The following SLC12A1 variants were observed in gnomAD, a reference collection of about 807,000 sequenced individuals.
SLC12A1 encodes the protein Na-K-2Cl cotransporter.
In SLC12A1, 89 loss-of-function variants were observed where a neutral mutation model predicts 130.4. The observed-to-expected ratio is 0.68, with a 90% CI of 0.58 to 0.81. The LOEUF is 0.81. Ranked by LOEUF, SLC12A1 falls within the 40% of genes least tolerant of loss-of-function variation. SLC12A1 has a pLI of 0.00. For missense variants in SLC12A1, 1,310 were observed against 1,336.4 expected, an observed-to-expected ratio of 0.98 and a Z score of 0.31; for synonymous variants, 499 against 460.0, an observed-to-expected ratio of 1.08 and a Z score of -1.09.
chr15:48,247,291 T>C, intron 12 of SLC12A1, 46 bp from the exon 13 acceptor site: 2 of 1,572,438 alleles, frequency 1.3e-6, no homozygotes, highest in South Asian at 2.4e-5. Flanking sequence ...AGAAAATGAC[T>C]GTGCATAGCT....
At chr15:48,301,869 T>C (rs1358686918) in intron 26 of SLC12A1, among the ~76,000 whole-genome samples, 1 of 152,200 alleles carries the variant, frequency 6.6e-6, no homozygotes, top group Non-Finnish European at 1.5e-5. Flanking sequence ...TTACAAATGT[T>C]AGGGTTGCGT....
At chr15:48,222,222 C>A (rs1473216380) in intron 4 of SLC12A1, 1 of 152,114 alleles carries the variant, frequency 6.6e-6, no homozygotes. Context: ...GTTTTAGTAA[C>A]TTATTGAGAT....
chr15:48,248,506 C>T (rs1477474121), intron 13 of SLC12A1, among the ~76,000 whole-genome samples: 1 of 152,206 alleles, frequency 6.6e-6, no homozygotes, highest in Non-Finnish European at 1.5e-5. Flanking sequence ...TGCATTGGCT[C>T]CACCCATAAG....
intron 17 of SLC12A1, among the ~76,000 whole-genome samples, chr15:48,266,204 G>A (rs2041830151): frequency 6.6e-6 from 1 of 152,190 alleles, no homozygotes. Flanking sequence ...CAGCCAGTCA[G>A]TGCCAGATCT....
At chr15:48,241,650 T>A (rs978038211) in intron 10 of SLC12A1, 51 bp downstream of exon 10, 4 of 1,302,444 alleles carry the variant, frequency 3.1e-6, no homozygotes, top group Middle Eastern at 1.8e-4. Flanking sequence ...AGGGGTCCAG[T>A]TGTTCACGTC....
chr15:48,243,586 C>T (rs530829375), intron 10 of SLC12A1, among the ~76,000 whole-genome samples: 48 of 151,816 alleles, frequency 3.2e-4, no homozygotes, highest in Admixed American at 6.5e-4. Flanking sequence ...ACGCAGGAGG[C>T]GGAGGTTGCA....
chr15:48,226,665 C>T, intron 5 of SLC12A1, 94 bp downstream of exon 5: 1 of 775,608 alleles, frequency 1.3e-6, no homozygotes, highest in Non-Finnish European at 2.2e-6. Context: ...AGGAAGTAGC[C>T]CGATGTTCTT....
chr15:48,226,094 T>C (rs2041282308), intron 4 of SLC12A1: 1 of 184,096 alleles, frequency 5.4e-6, no homozygotes, highest in African/African-American at 2.4e-5. Context: ...GCAAGAAAAA[T>C]GGGGAAGGAT....
intron 26 of SLC12A1, 91 bp downstream of exon 26, chr15:48,301,473 G>A: frequency 1.4e-6 from 1 of 718,674 alleles, no homozygotes; most frequent in Non-Finnish European, 2.0e-6. Flanking sequence ...TCTTCAGGTG[G>A]GAATTTTGTT....
At chr15:48,232,933 C>G in intron 8 of SLC12A1, 95 bp downstream of exon 8, 4 of 734,748 alleles carry the variant, frequency 5.4e-6, no homozygotes, top group Non-Finnish European at 9.5e-6. Context: ...TTCGGAATGC[C>G]TGGCTCCCCT....
intron 21 of SLC12A1, 67 bp downstream of exon 21, chr15:48,285,316 G>A: frequency 6.7e-7 from 1 of 1,496,964 alleles, no homozygotes. Context: ...TCTATGAAGA[G>A]TCCGAAGTCA....
At chr15:48,283,850 G>A (rs977632401) in intron 20 of SLC12A1, among the ~76,000 whole-genome samples, 2 of 151,952 alleles carry the variant, frequency 1.3e-5, no homozygotes, top group Admixed American at 6.6e-5. Context: ...TCTGACAAGA[G>A]TGCCACCTCA....
intron 17 of SLC12A1, among the ~76,000 whole-genome samples, chr15:48,264,059 C>T (rs1254811596): frequency 6.6e-6 from 1 of 152,188 alleles, no homozygotes; most frequent in African/African-American, 2.4e-5. Flanking sequence ...CCACTCCAGA[C>T]CCCTGGTTCT....
intron 15 of SLC12A1, among the ~76,000 whole-genome samples, chr15:48,255,307 G>A (rs1311362785): frequency 4.6e-5 from 7 of 151,862 alleles, no homozygotes; most frequent in Admixed American, 1.3e-4. Flanking sequence ...ACATGTTGGC[G>A]GGTGCCTGTA....
rs552847383 is a variant in SLC12A1 at position 48,211,571 on chromosome 15, T to C, written c.420+3432T>C. Among the ~76,000 whole-genome samples, 4 of 152,354 alleles carry C rather than the reference T, an allele frequency of 2.6e-5. No homozygotes were observed. The South Asian group carries it at 8.3e-4, about 32-fold the overall frequency. On this transcript the variant is annotated intron_variant, in intron 2 of 26. Coordinates refer to ENST00000380993, the MANE Select transcript of SLC12A1 (RefSeq NM_000338.3). ...TAAATAATAGTGTTTACTTAAATCA[T>C]TTAAAAGTAGAAGGTAATTGACACA...
chr15:48,302,480 C>T (rs1212044302), intron 26 of SLC12A1, among the ~76,000 whole-genome samples: 2 of 150,330 alleles, frequency 1.3e-5, no homozygotes, highest in Admixed American at 6.6e-5. Context: ...ATTAGCCGGG[C>T]GCGGTGGCGG....
intron 13 of SLC12A1, among the ~76,000 whole-genome samples, chr15:48,248,752 G>C (rs541887186): frequency 6.6e-6 from 1 of 152,340 alleles, no homozygotes; most frequent in African/African-American, 2.4e-5. Context: ...TGAGGCAAAA[G>C]TATTTTGGGG....
intron 11 of SLC12A1, among the ~76,000 whole-genome samples, chr15:48,245,634 G>A (rs1459045264): frequency 1.3e-5 from 2 of 152,198 alleles, no homozygotes; most frequent in Non-Finnish European, 2.9e-5. Flanking sequence ...ATTGCATGGT[G>A]TATGTGTACC....
intron 24 of SLC12A1, among the ~76,000 whole-genome samples, chr15:48,292,291 A>G (rs1197907206): frequency 6.6e-6 from 1 of 152,176 alleles, no homozygotes; most frequent in Non-Finnish European, 1.5e-5. Flanking sequence ...TGGCACACTG[A>G]CAATACCAAC....
Sources: gnomAD v4.1 joint callset for allele counts (sites outside exome capture counted in the v4.1 genomes callset) on GRCh38, gnomAD v4.1.1 for gene constraint, MANE v1.5 for transcripts, NCBI Gene and HGNC (gene_info 2026-07-23, HGNC 2026-07-21) for gene names.